OCA2: variants seen among roughly 807,000 people sequenced by gnomAD.
The protein encoded by OCA2 is P protein.
OCA2 carries 77 observed loss-of-function variants against 100.2 expected under a neutral mutation model. That is an observed-to-expected ratio of 0.77 (90% CI 0.64 to 0.93). The LOEUF (loss-of-function observed/expected upper bound fraction) is 0.93, where lower values mean the gene tolerates loss of function less well. Ranked by LOEUF, OCA2 falls within the 40% of genes least tolerant of loss-of-function variation. The pLI, the probability that OCA2 is intolerant of heterozygous loss-of-function variation, is 0.00. For synonymous variants in OCA2, 432 were observed against 439.2 expected (o/e 0.98, Z 0.21); for missense variants, 1,062 against 1,089.1 (o/e 0.98, Z 0.35).
At chr15:27,980,202 G>A (rs12442192) in intron 14 of OCA2, among the ~76,000 whole-genome samples, 31,310 of 151,308 alleles carry the variant, frequency 0.21, 4,795 homozygotes, top group East Asian at 0.85. Flanking sequence ...ATCTCGGCTC[G>A]CTGCAAGCTC....
chr15:27,947,605 C>T (rs1326443068), intron 18 of OCA2, among the ~76,000 whole-genome samples: 5 of 152,324 alleles, frequency 3.3e-5, no homozygotes, highest in Middle Eastern at 3.4e-3. Context: ...CCTGCGGGTG[C>T]GGTCGCATGG....
At chr15:27,996,808 T>C in intron 9 of OCA2, among the ~76,000 whole-genome samples, 1 of 151,828 alleles carries the variant, frequency 6.6e-6, no homozygotes, top group East Asian at 1.9e-4. Flanking sequence ...TCAAAAACCT[T>C]CCAACAAAGA....
At chr15:28,025,487 AC>A (rs1188486360) in intron 4 of OCA2, among the ~76,000 whole-genome samples, 5 of 152,098 alleles carry the variant, frequency 3.3e-5, no homozygotes, top group Admixed American at 3.3e-4. Flanking sequence ...CCATTTCTTA[AC>A]CATGACCCCC....
At chr15:27,936,368 T>C (rs530091048) in intron 18 of OCA2, among the ~76,000 whole-genome samples, 28 of 152,306 alleles carry the variant, frequency 1.8e-4, no homozygotes, top group South Asian at 8.3e-4. Context: ...GCAGTTGCTA[T>C]GGCAGCAGAA....
At chr15:28,095,420 T>C (rs2044956897) in intron 1 of OCA2, among the ~76,000 whole-genome samples, 1 of 152,100 alleles carries the variant, frequency 6.6e-6, no homozygotes, top group South Asian at 2.1e-4. Context: ...TCTTCGTAAA[T>C]CTTAAGAACA....
chr15:27,807,569 TG>T (rs2033908692), intron 23 of OCA2, among the ~76,000 whole-genome samples: 1 of 152,180 alleles, frequency 6.6e-6, no homozygotes, highest in Admixed American at 6.5e-5. Context: ...CTTGGGCAGA[TG>T]GAAGTGTCAC....
intron 23 of OCA2, among the ~76,000 whole-genome samples, chr15:27,821,885 TTGTC>T: frequency 6.6e-6 from 1 of 152,290 alleles, no homozygotes; most frequent in East Asian, 1.9e-4. Flanking sequence ...CTCTACCTCC[TTGTC>T]TGTGTCTTAA....
Position 27,871,160 on chromosome 15 carries a change from AGCAGTGAACGGGAT to A in OCA2, c.2224_2237del (p.Ile742TyrfsTer14), listed in dbSNP as rs2036554820. On this transcript the variant is annotated frameshift_variant, in exon 21 of 24. Transcript: ENST00000354638. LOFTEE classifies it high-confidence loss of function. ...ATGGACATGTGCAACTCACCATGGTAGCAGTGAACGGGATGTTGTCAATCAGGGACGACGCCAGG... is the reference window on the plus strand; with the variant it reads ...ATGGACATGTGCAACTCACCATGGTAGTTGTCAATCAGGGACGACGCCAGG... 1 of 1,611,938 alleles carries A rather than the reference AGCAGTGAACGGGAT, an allele frequency of 6.2e-7. No individual in the cohort carries two copies. Among genetic ancestry groups the A allele is most frequent in the African/African-American group, 1.3e-5 (1 of 74,872 alleles).
chr15:27,987,379 G>C (rs2041389142), intron 11 of OCA2, among the ~76,000 whole-genome samples: 1 of 152,082 alleles, frequency 6.6e-6, no homozygotes, highest in Admixed American at 6.6e-5. Context: ...GTTGAACTTG[G>C]AATGAGAAGA....
At chr15:28,019,352 C>T (rs2042515260) in intron 6 of OCA2, among the ~76,000 whole-genome samples, 3 of 95,014 alleles carry the variant, frequency 3.2e-5, no homozygotes, top group African/African-American at 7.7e-5. Flanking sequence ...GAGACAAGGA[C>T]GGCGCCCTTA....
rs371227315 is a variant in OCA2, at chr15:28,051,282, A to ATGGTT, written c.228-19124_228-19120dup. Among the ~76,000 whole-genome samples, 99 of 152,000 alleles carry ATGGTT rather than the reference A, an allele frequency of 6.5e-4. 1 individual carries two copies. The highest frequency in any genetic ancestry group is 2.3e-3 in the African/African-American group (96 of 41,414). On this transcript the variant is annotated intron_variant, in intron 2 of 23. Coordinates refer to ENST00000354638, the MANE Select transcript of OCA2 (RefSeq NM_000275.3). ...GGGAAATCTACAGACATTTCCCTTT[A>ATGGTT]TGGTTTTGTTTTGTTTTGTTTTGTT... is the stretch of plus-strand genomic sequence containing the variant.
At chr15:28,032,193 A>G in intron 2 of OCA2, 30 bp from the exon 3 acceptor site, 3 of 1,473,422 alleles carry the variant, frequency 2.0e-6, no homozygotes, top group Non-Finnish European at 2.9e-6. Flanking sequence ...AAACAGAATC[A>G]CCAACACAGA....
the OCA2 span, among the ~76,000 whole-genome samples, chr15:27,723,242 CA>C: frequency 6.6e-6 from 1 of 152,106 alleles, no homozygotes; most frequent in African/African-American, 2.4e-5. Context: ...CTTCAAAGAG[CA>C]GGAACTTTTT....
At chr15:27,911,085 G>C (rs921715984) in intron 19 of OCA2, among the ~76,000 whole-genome samples, 1 of 152,168 alleles carries the variant, frequency 6.6e-6, no homozygotes, top group Admixed American at 6.6e-5. Flanking sequence ...CATGAGGAGA[G>C]AGTGATACTT....
At chr15:28,038,255 C>T (rs369019159) in intron 2 of OCA2, among the ~76,000 whole-genome samples, 10 of 152,260 alleles carry the variant, frequency 6.6e-5, no homozygotes, top group African/African-American at 2.2e-4. Flanking sequence ...AAACATGTTT[C>T]CCATAGACAG....
At chr15:27,722,666 C>CT in the OCA2 span, among the ~76,000 whole-genome samples, 18 of 140,528 alleles carry the variant, frequency 1.3e-4, no homozygotes, top group Non-Finnish European at 2.4e-4. Context: ...CTCTTTCTTT[C>CT]CTTTCTTTTC....
At chr15:27,841,206 A>C (rs998326977) in intron 23 of OCA2, among the ~76,000 whole-genome samples, 4 of 152,244 alleles carry the variant, frequency 2.6e-5, no homozygotes, top group African/African-American at 9.6e-5. Context: ...CAGCCAATAC[A>C]AAAAGGTCAC....
intron 12 of OCA2, among the ~76,000 whole-genome samples, chr15:27,986,385 T>C (rs898970944): frequency 2.6e-5 from 4 of 152,216 alleles, no homozygotes; most frequent in Admixed American, 6.5e-5. Context: ...TCTTCATTTA[T>C]TTACTGAGCA....
intron 17 of OCA2, 45 bp from the exon 18 acceptor site, chr15:27,951,937 G>A: frequency 1.5e-6 from 2 of 1,295,202 alleles, no homozygotes; most frequent in Middle Eastern, 1.8e-4. Context: ...ACAACCTTCT[G>A]ACTCCTGCAG....
Sources: gnomAD v4.1 joint callset for allele counts (sites outside exome capture counted in the v4.1 genomes callset) on GRCh38, gnomAD v4.1.1 for gene constraint, MANE v1.5 for transcripts, NCBI Gene and HGNC (gene_info 2026-07-23, HGNC 2026-07-21) for gene names.